Variants in MCF2L2 observed in about 807,000 individuals in gnomAD.
MCF2L2 encodes the protein MCF.2 cell line derived transforming sequence-like 2.
Under a neutral mutation model 150.2 loss-of-function variants are expected in MCF2L2, and 102 were observed. The ratio of observed to expected loss-of-function variants is 0.68; its 90% CI spans 0.58 to 0.80. The LOEUF is 0.80. MCF2L2 is among the 30% of genes least tolerant of loss of function. The pLI is 0.00. For missense variants in MCF2L2, 1,256 were observed against 1,372.8 expected (o/e 0.91, Z 1.34); for synonymous variants, 465 against 491.3 (o/e 0.95, Z 0.71).
At chr3:183,190,372 C>T (rs1440014697) in intron 27 of MCF2L2, among the ~76,000 whole-genome samples, 1 of 152,188 alleles carries the variant, frequency 6.6e-6, no homozygotes, top group Non-Finnish European at 1.5e-5. Flanking sequence ...AGAATCCCAT[C>T]CATTCTGGGA....
intron 3 of MCF2L2, among the ~76,000 whole-genome samples, chr3:183,371,074 G>C (rs1373062720): frequency 4.6e-5 from 7 of 152,196 alleles, no homozygotes; most frequent in Non-Finnish European, 7.3e-5. Flanking sequence ...AGCCAGTCCA[G>C]CGAAAACCAC....
intron 15 of MCF2L2, chr3:183,265,436 CT>C (rs1176371117): frequency 6.6e-6 from 1 of 152,304 alleles, no homozygotes; most frequent in African/African-American, 2.4e-5. Flanking sequence ...GGTCCCTCCC[CT>C]GCACTCTGAA....
At chr3:183,241,730 G>A (rs1724035243) in intron 15 of MCF2L2, among the ~76,000 whole-genome samples, 1 of 152,216 alleles carries the variant, frequency 6.6e-6, no homozygotes, top group East Asian at 1.9e-4. Context: ...GTAGAGTGGG[G>A]TGCTGCAGTA....
chr3:183,353,029 T>C (rs1711565002), intron 3 of MCF2L2, among the ~76,000 whole-genome samples: 1 of 152,214 alleles, frequency 6.6e-6, no homozygotes, highest in Admixed American at 6.5e-5. Context: ...GAGACACACA[T>C]GAAACAGATT....
At chr3:183,397,456 G>C (rs929425121) in intron 1 of MCF2L2, among the ~76,000 whole-genome samples, 5 of 152,196 alleles carry the variant, frequency 3.3e-5, no homozygotes, top group East Asian at 1.9e-4. Context: ...ATTCACAAAG[G>C]TGGATTCCTC....
intron 1 of MCF2L2, among the ~76,000 whole-genome samples, chr3:183,423,632 G>GTT (rs34400256): frequency 0.027 from 2,510 of 91,868 alleles, 21 homozygotes; most frequent in Middle Eastern, 0.039. Context: ...AATTTTATTT[G>GTT]TTTTTTTTTT....
chr3:183,381,965 T>C (rs1400860106), intron 2 of MCF2L2, among the ~76,000 whole-genome samples: 2 of 152,200 alleles, frequency 1.3e-5, no homozygotes, highest in Non-Finnish European at 2.9e-5. Context: ...AATCAACATT[T>C]GCTGAGGGAC....
chr3:183,341,500 A>G (rs757092593), intron 4 of MCF2L2, 40 bp downstream of exon 4: 18 of 1,454,264 alleles, frequency 1.2e-5, no homozygotes, highest in Non-Finnish European at 1.7e-5. Flanking sequence ...CAGACAATTT[A>G]AATGACTTTT....
At chr3:183,392,507 T>A (rs1000932625) in intron 1 of MCF2L2, among the ~76,000 whole-genome samples, 5 of 152,170 alleles carry the variant, frequency 3.3e-5, no homozygotes, top group African/African-American at 2.4e-5. Context: ...CTAAAATTCA[T>A]AATTTGTTTT....
rs73062710 is a variant in MCF2L2 at position 183,360,388 on chromosome 3, C to T, written c.276-18758G>A. 4.8e-3 allele frequency among the ~76,000 whole-genome samples: 734 copies of T among 151,882 alleles called. 5 individuals carry two copies. The highest frequency in any genetic ancestry group is 0.017 in the African/African-American group (702 of 41,438). ...TTCATGATCAGCCTGGGCAACAGAA[C>T]GAGATACTGTCCCCACACAAAAAAT... On this transcript the variant is annotated intron_variant, in intron 3 of 29. Coordinates refer to ENST00000328913, the MANE Select transcript of MCF2L2 (RefSeq NM_015078.4).
intron 25 of MCF2L2, among the ~76,000 whole-genome samples, chr3:183,199,316 G>A (rs910313527): frequency 6.6e-6 from 1 of 152,158 alleles, no homozygotes; most frequent in East Asian, 1.9e-4. Context: ...ATAAATGATG[G>A]AAGATAGACT....
Position 183,361,006 on chromosome 3 carries a change from A to G in MCF2L2, c.275+18291T>C, listed in dbSNP as rs1345769210. On this transcript the variant is annotated intron_variant, in intron 3 of 29. Transcript: ENST00000328913. The stretch of plus-strand genomic sequence containing the variant: ...AAGAAAAGAAAAGAAAAGAAAAGAA[A>G]AGAAAAGAAAAGAAAAGAGAAAAGA... 1.6e-3 allele frequency among the ~76,000 whole-genome samples: 203 copies of G among 128,778 alleles called. 11 individuals are homozygous for G. The highest frequency in any genetic ancestry group is 0.014 in the East Asian group (63 of 4,396). 84.5% of individuals were successfully genotyped at this position (128,778 alleles called of 152,430 possible). A position where few individuals can be genotyped will look rare whatever the true frequency, so the allele number is the denominator to read the frequency against.
chr3:183,272,416 C>T (rs575108143), intron 15 of MCF2L2: 143 of 1,000,146 alleles, frequency 1.4e-4, no homozygotes, highest in African/African-American at 9.6e-4. Context: ...AAGGTGATGT[C>T]GGAAACACGC....
At chr3:183,299,101 G>A (rs1348766412) in intron 11 of MCF2L2, 1 of 152,368 alleles carries the variant, frequency 6.6e-6, no homozygotes, top group Non-Finnish European at 1.5e-5. Context: ...TGCTGACTGG[G>A]AACATACCCT....
intron 14 of MCF2L2, 151 bp downstream of exon 14, chr3:183,288,969 T>A: frequency 1.8e-6 from 1 of 543,134 alleles, no homozygotes; most frequent in Non-Finnish European, 3.3e-6. Flanking sequence ...AGAAAAAAAA[T>A]CCTATAAACC....
chr3:183,316,918 C>CT (rs778526463), intron 7 of MCF2L2, among the ~76,000 whole-genome samples: 25 of 152,124 alleles, frequency 1.6e-4, no homozygotes, highest in South Asian at 6.2e-4. Flanking sequence ...GTTGGCCAGG[C>CT]TGGTCTTGAA....
At chr3:183,251,433 C>A (rs1286337508) in intron 15 of MCF2L2, among the ~76,000 whole-genome samples, 1 of 152,162 alleles carries the variant, frequency 6.6e-6, no homozygotes, top group Non-Finnish European at 1.5e-5. Flanking sequence ...GCCTTACTCT[C>A]TGATCATCTC....
At position 183,305,008 on chromosome 3, in the gene MCF2L2, CA is replaced by C. The variant is rs1341151521; in HGVS notation, c.1113+4707del. Among the ~76,000 whole-genome samples, 1 of 152,210 alleles carries C rather than the reference CA, an allele frequency of 6.6e-6. No individual in the cohort carries two copies. The highest frequency in any genetic ancestry group is 2.4e-5 in the African/African-American group (1 of 41,448). On this transcript the variant is annotated intron_variant, in intron 10 of 29. Transcript: ENST00000328913. The surrounding 1 kb of genome is among the most constrained non-coding windows in gnomAD (Gnocchi z 4.1). ...CAGCTAACATCTACTGAGAGCTTAA[CA>C]GATGCCAGGCACTGTTCTGAATGCT... is the stretch of plus-strand genomic sequence containing the variant.
chr3:183,350,429 T>C (rs999715350), intron 3 of MCF2L2, among the ~76,000 whole-genome samples: 2 of 152,168 alleles, frequency 1.3e-5, no homozygotes, highest in Admixed American at 6.5e-5. Context: ...TTACCCCTCT[T>C]GTTCTTTTTA....
Sources: allele counts gnomAD v4.1 joint callset (sites outside exome capture counted in the v4.1 genomes callset), GRCh38; gene constraint gnomAD v4.1.1; non-coding constraint Gnocchi (gnomAD v3.1); transcripts MANE v1.5; gene names NCBI Gene and HGNC (gene_info 2026-07-23, HGNC 2026-07-21).